Variants in AKAIN1 observed in about 807,000 individuals in gnomAD.
AKAIN1 encodes the protein A-kinase anchor inhibitor 1.
A neutral mutation model predicts 3.7 loss-of-function variants in AKAIN1; 3 were observed. The ratio of observed to expected loss-of-function variants is 0.82; its 90% CI spans 0.37 to 2.12. The LOEUF (loss-of-function observed/expected upper bound fraction) is 2.12, where lower values mean the gene tolerates loss of function less well. Among genes scored for constraint, AKAIN1 ranks in the 30% most tolerant of loss-of-function variants. The probability of loss-of-function intolerance (pLI) is 0.06; values close to 1 mark genes in which losing one functional copy is unlikely to be tolerated. For missense variants in AKAIN1, 82 were observed against 82.7 expected, an observed-to-expected ratio of 0.99 and a Z score of 0.03; for synonymous variants, 31 against 30.8, an observed-to-expected ratio of 1.01 and a Z score of -0.02.
chr18:5,196,605 G>A (rs879749491), intron 1 of AKAIN1, among the ~76,000 whole-genome samples: 5 of 152,216 alleles, frequency 3.3e-5, no homozygotes, highest in Non-Finnish European at 7.3e-5. Context: ...AGGCCAGGAG[G>A]ACCCGGGTCA....
chr18:5,187,672 G>T (rs2071295278), intron 1 of AKAIN1, among the ~76,000 whole-genome samples: 1 of 152,128 alleles, frequency 6.6e-6, no homozygotes, highest in Non-Finnish European at 1.5e-5. Context: ...TCTTAATGTG[G>T]TTGTTACAAT....
At chr18:5,190,258 T>C (rs1411526231) in intron 1 of AKAIN1, among the ~76,000 whole-genome samples, 1 of 152,208 alleles carries the variant, frequency 6.6e-6, no homozygotes. Flanking sequence ...CTTAATACTG[T>C]TATAATGGCA....
chr18:5,173,253 A>G (rs1398118210), intron 1 of AKAIN1, among the ~76,000 whole-genome samples: 1 of 152,204 alleles, frequency 6.6e-6, no homozygotes, highest in Non-Finnish European at 1.5e-5. Context: ...AACTTTAAAA[A>G]TATCAAATCA....
Position 5,145,439 on chromosome 18 carries a change from T to C in AKAIN1, c.*123A>G, listed in dbSNP as rs2143300870. 1.4e-6 allele frequency: 1 copy of C among 730,724 alleles called. No homozygotes were observed. Among genetic ancestry groups the C allele is most frequent in the Non-Finnish European group, 2.3e-6 (1 of 442,204 alleles). The allele number at this position is 730,724 out of a possible 1,614,324, so 45.3% of individuals were successfully genotyped here. A position where few individuals can be genotyped will look rare whatever the true frequency, so the allele number is the denominator to read the frequency against. ...CTTCTCAGCCAGGGGCTAGTGTGAA[T>C]TCATTCTACAGCTAGGTGCCGGTGA... On this transcript the variant is annotated 3_prime_UTR_variant, in exon 2 of 2. Coordinates refer to ENST00000434239, the MANE Select transcript of AKAIN1 (RefSeq NM_001145194.2).
intron 1 of AKAIN1, among the ~76,000 whole-genome samples, chr18:5,188,588 A>C (rs1192323294): frequency 6.6e-6 from 1 of 151,964 alleles, no homozygotes; most frequent in African/African-American, 2.4e-5. Flanking sequence ...TTTACCTATC[A>C]GGCCTTGCTG....
intron 1 of AKAIN1, among the ~76,000 whole-genome samples, chr18:5,157,712 A>T (rs1367530603): frequency 6.6e-6 from 1 of 151,990 alleles, no homozygotes. Context: ...AAATTATTAA[A>T]TTTTTTTCAA....
chr18:5,197,587 C>G (rs1033419323), upstream of AKAIN1: 3 of 801,036 alleles, frequency 3.7e-6, no homozygotes, highest in East Asian at 6.8e-5. This position sits in a 1 kb window ranked among gnomAD's most constrained non-coding sequence, Gnocchi z 6.9. Flanking sequence ...AATAGAGGGG[C>G]GGGTCTGTCA....
chr18:5,179,011 G>A (rs1173425247), intron 1 of AKAIN1, among the ~76,000 whole-genome samples: 2 of 152,276 alleles, frequency 1.3e-5, no homozygotes, highest in East Asian at 3.9e-4. Context: ...GCTATGGTTA[G>A]AGAAACTAAG....
intron 1 of AKAIN1, among the ~76,000 whole-genome samples, chr18:5,183,102 T>G (rs2071267884): frequency 6.6e-6 from 1 of 152,024 alleles, no homozygotes; most frequent in Non-Finnish European, 1.5e-5. Flanking sequence ...CTAAAATAGG[T>G]CAGGCATTTA....
intron 1 of AKAIN1, among the ~76,000 whole-genome samples, 167 bp downstream of exon 1, chr18:5,196,871 G>A (rs1004136665): frequency 6.6e-6 from 1 of 152,226 alleles, no homozygotes; most frequent in Non-Finnish European, 1.5e-5. Flanking sequence ...ACTGGGGAGA[G>A]GGGCGAAGGC....
intron 1 of AKAIN1, among the ~76,000 whole-genome samples, chr18:5,175,585 A>T (rs1598312257): frequency 1.3e-5 from 2 of 152,288 alleles, no homozygotes; most frequent in Middle Eastern, 6.8e-3. Context: ...CCAAAGGTAG[A>T]GCATGTTGGT....
chr18:5,156,536 C>A (rs1406442686), intron 1 of AKAIN1, among the ~76,000 whole-genome samples: 1 of 152,178 alleles, frequency 6.6e-6, no homozygotes, highest in East Asian at 1.9e-4. Flanking sequence ...CAGCTCCCAA[C>A]CTTTTGAAGA....
chr18:5,178,101 C>T (rs2071236363), intron 1 of AKAIN1, among the ~76,000 whole-genome samples: 1 of 152,106 alleles, frequency 6.6e-6, no homozygotes, highest in African/African-American at 2.4e-5. Flanking sequence ...GCTGCATGCT[C>T]CTGCTTTCTG....
At chr18:5,164,988 T>A (rs1346702454) in intron 1 of AKAIN1, among the ~76,000 whole-genome samples, 2 of 152,068 alleles carry the variant, frequency 1.3e-5, no homozygotes, top group East Asian at 3.8e-4. Flanking sequence ...CCTCTATGAT[T>A]TGAATTTACT....
intron 1 of AKAIN1, among the ~76,000 whole-genome samples, chr18:5,162,318 C>A (rs1327834514): frequency 6.6e-6 from 1 of 152,040 alleles, no homozygotes; most frequent in Non-Finnish European, 1.5e-5. Flanking sequence ...GCTCTCTTGG[C>A]CCATGTCCTG....
intron 1 of AKAIN1, among the ~76,000 whole-genome samples, chr18:5,147,268 C>T (rs1240237969): frequency 6.6e-6 from 1 of 152,154 alleles, no homozygotes; most frequent in Non-Finnish European, 1.5e-5. Context: ...CAGATGCCCA[C>T]CTCCAGGCCT....
chr18:5,171,550 A>G (rs539355122), intron 1 of AKAIN1, among the ~76,000 whole-genome samples: 2 of 152,314 alleles, frequency 1.3e-5, no homozygotes, highest in Non-Finnish European at 2.9e-5. Context: ...ACAGTTCTCA[A>G]AAGAAGACAT....
intron 1 of AKAIN1, among the ~76,000 whole-genome samples, chr18:5,170,208 CAAGT>C (rs781666291): frequency 2.4e-4 from 36 of 152,210 alleles, no homozygotes; most frequent in Non-Finnish European, 4.6e-4. Flanking sequence ...AAATATACTC[CAAGT>C]AAGAGGAAAG....
intron 1 of AKAIN1, among the ~76,000 whole-genome samples, chr18:5,157,792 C>A (rs1343948982): frequency 2.6e-5 from 4 of 152,142 alleles, no homozygotes; most frequent in African/African-American, 9.7e-5. Context: ...CAGCCTTGAA[C>A]TCCCACCTCA....
Sources: allele counts gnomAD v4.1 joint callset (sites outside exome capture counted in the v4.1 genomes callset), GRCh38; gene constraint gnomAD v4.1.1; non-coding constraint Gnocchi (gnomAD v3.1); transcripts MANE v1.5; gene names NCBI Gene and HGNC (gene_info 2026-07-23, HGNC 2026-07-21).